Variants in DNER observed in about 807,000 individuals in gnomAD.
DNER encodes delta/notch like EGF repeat containing.
Under a neutral mutation model 78.2 loss-of-function variants are expected in DNER, and 33 were observed. That is an observed-to-expected ratio of 0.42 (90% CI 0.32 to 0.56). The LOEUF is 0.56. Ranked by LOEUF, DNER falls within the 20% of genes least tolerant of loss-of-function variation. DNER has a pLI of 0.11. For synonymous variants in DNER, 417 were observed against 384.8 expected (o/e 1.08, Z -0.98); for missense variants, 918 against 975.3 (o/e 0.94, Z 0.78).
chr2:229,495,634 G>A (rs2154211813), intron 6 of DNER, among the ~76,000 whole-genome samples: 1 of 152,302 alleles, frequency 6.6e-6, no homozygotes, highest in East Asian at 1.9e-4. Flanking sequence ...ACGTTAGGAA[G>A]GGTAATATTC....
intron 1 of DNER, among the ~76,000 whole-genome samples, chr2:229,689,548 T>A (rs867072065): frequency 2.2e-4 from 33 of 152,206 alleles, no homozygotes; most frequent in Middle Eastern, 3.4e-3. Flanking sequence ...TATGTTTAAC[T>A]CAGATTGGAT....
chr2:229,547,683 A>G (rs1696653349), intron 4 of DNER, among the ~76,000 whole-genome samples: 1 of 152,212 alleles, frequency 6.6e-6, no homozygotes. Context: ...TTGATCACCA[A>G]TCTGACTCCA....
At chr2:229,382,860 G>A (rs1031912613) in intron 11 of DNER, among the ~76,000 whole-genome samples, 2 of 152,136 alleles carry the variant, frequency 1.3e-5, no homozygotes, top group Non-Finnish European at 2.9e-5. Flanking sequence ...TTATCCGGGA[G>A]AACTTCCCCA....
chr2:229,632,682 G>GT (rs1471909244), intron 1 of DNER, among the ~76,000 whole-genome samples: 2 of 152,222 alleles, frequency 1.3e-5, no homozygotes, highest in Admixed American at 1.3e-4. Flanking sequence ...TTAGACTGCA[G>GT]TGTTAACATA....
intron 1 of DNER, among the ~76,000 whole-genome samples, chr2:229,647,628 A>T (rs550458147): frequency 6.6e-6 from 1 of 152,252 alleles, no homozygotes; most frequent in Admixed American, 6.5e-5. Context: ...CACATCCAAG[A>T]TATCTATAAC....
At chr2:229,413,321 C>CTTTTTTTTTTTTTTTTTTTTTTTTTTTT (rs398061160) in intron 9 of DNER, among the ~76,000 whole-genome samples, 7 of 67,774 alleles carry the variant, frequency 1.0e-4, no homozygotes, top group African/African-American at 3.4e-4. Flanking sequence ...TTTTCTTCTT[C>CTTTTTTTTTTTTTTTTTTTTTTTTTTTT]TTTTTTTTTT....
chr2:229,478,577 G>T (rs1251600717), intron 6 of DNER, among the ~76,000 whole-genome samples: 1 of 152,158 alleles, frequency 6.6e-6, no homozygotes, highest in African/African-American at 2.4e-5. Context: ...TTCTAGAACA[G>T]ATTAAATAAA....
chr2:229,671,907 G>A (rs906006838), intron 1 of DNER, among the ~76,000 whole-genome samples: 1 of 152,220 alleles, frequency 6.6e-6, no homozygotes, highest in Non-Finnish European at 1.5e-5. Flanking sequence ...GCGTAGAAAT[G>A]TTCAAACAAT....
In DNER at chr2:229,418,197, T is replaced by C. The variant is rs962639008; in HGVS notation, c.1520A>G (p.Asn507Ser). 2 of 1,613,962 alleles carry C rather than the reference T, an allele frequency of 1.2e-6. No individual in the cohort carries two copies. The highest frequency in any genetic ancestry group is 1.3e-5 in the African/African-American group (1 of 74,914). ...YHGLYCEEEYNECLSAPCLNA... is the reference protein window; with the variant it reads ...YHGLYCEEEYSECLSAPCLNA... ...CAGGCATGGAGCGGAGAGGCACTCA[T>C]TATATTCCTCCTCACAGTAGAGGCC... The change falls in exon 9 of 13, where the codon AAT becomes AGT. Residue 507 changes from asparagine to serine, a missense_variant. By Grantham distance (46) the Asn-to-Ser change is conservative. Coordinates refer to ENST00000341772, the MANE Select transcript of DNER (RefSeq NM_139072.4).
At chr2:229,608,069 G>T (rs949535317) in intron 1 of DNER, among the ~76,000 whole-genome samples, 12 of 145,966 alleles carry the variant, frequency 8.2e-5, no homozygotes, top group Non-Finnish European at 1.1e-4. Context: ...CAACTTTTTA[G>T]TAAGTGATAC....
intron 8 of DNER, among the ~76,000 whole-genome samples, chr2:229,434,821 TCA>T (rs796937815): frequency 4.6e-5 from 7 of 152,074 alleles, no homozygotes; most frequent in African/African-American, 1.7e-4. Flanking sequence ...TCAGGGGACC[TCA>T]CCATTTCTTT....
chr2:229,401,781 TA>T (rs1693272843), intron 10 of DNER, among the ~76,000 whole-genome samples: 1 of 152,166 alleles, frequency 6.6e-6, no homozygotes. Context: ...GATCTCTCTC[TA>T]TTACTACTTG....
At chr2:229,593,491 C>T (rs914029670) in intron 1 of DNER, among the ~76,000 whole-genome samples, 2 of 152,230 alleles carry the variant, frequency 1.3e-5, no homozygotes. Flanking sequence ...TTACCCCTCT[C>T]CTACAAAAAT....
chr2:229,578,959 A>G (rs1220737222), intron 4 of DNER, among the ~76,000 whole-genome samples: 1 of 152,336 alleles, frequency 6.6e-6, no homozygotes, highest in East Asian at 1.9e-4. Context: ...CTACCTTTAT[A>G]TAAATGTGTT....
At chr2:229,579,621 A>G (rs1697356961) in intron 4 of DNER, among the ~76,000 whole-genome samples, 2 of 152,128 alleles carry the variant, frequency 1.3e-5, no homozygotes, top group South Asian at 4.2e-4. Context: ...AGAAGGATGC[A>G]TGGATACACA....
chr2:229,487,674 T>C (rs528505090), intron 6 of DNER, among the ~76,000 whole-genome samples: 1 of 152,356 alleles, frequency 6.6e-6, no homozygotes, highest in Non-Finnish European at 1.5e-5. Context: ...AATCAAACTC[T>C]AAAGAAGGTA....
chr2:229,551,715 C>T (rs1696740925), intron 4 of DNER, among the ~76,000 whole-genome samples: 1 of 151,234 alleles, frequency 6.6e-6, no homozygotes, highest in Admixed American at 6.6e-5. Context: ...GGGCAGATCA[C>T]GAGGTCAGGA....
Position 229,447,350 on chromosome 2 carries a change from G to C in DNER, c.1452C>G (p.Ser484Arg). Residue 484 changes from serine (S) to arginine (R), a missense_variant, in exon 8 of 13, where the codon AGC becomes AGG. Coordinates refer to ENST00000341772, the MANE Select transcript of DNER (RefSeq NM_139072.4). ...AGAGGCATTTGTAGCTGGTGCCCACGCTGCGGCACGTGCCATGAGCACAGG... is the reference window on the plus strand; with the variant it reads ...AGAGGCATTTGTAGCTGGTGCCCACCCTGCGGCACGTGCCATGAGCACAGG... ...LSPCAHGTCRSVGTSYKCLCD... is the reference protein window; with the variant it reads ...LSPCAHGTCRRVGTSYKCLCD... The C allele has an allele frequency of 1.2e-6, 2 of 1,609,406 alleles. No homozygotes were observed. The highest frequency in any genetic ancestry group is 1.7e-6 in the Non-Finnish European group (2 of 1,177,954).
At chr2:229,639,348 G>A (rs1037816672) in intron 1 of DNER, among the ~76,000 whole-genome samples, 2 of 151,656 alleles carry the variant, frequency 1.3e-5, no homozygotes, top group Non-Finnish European at 2.9e-5. Context: ...TCCACCTCCC[G>A]GGTTCAAGCG....
Sources: gnomAD v4.1 joint callset for allele counts (sites outside exome capture counted in the v4.1 genomes callset) on GRCh38, gnomAD v4.1.1 for gene constraint, MANE v1.5 for transcripts, NCBI Gene and HGNC (gene_info 2026-07-23, HGNC 2026-07-21) for gene names.